The following LGR4 variants were observed in gnomAD, a reference collection of about 807,000 sequenced individuals.
LGR4 encodes leucine rich repeat containing G protein-coupled receptor 4, also known as leucine-rich repeat-containing G protein-coupled receptor 4.
A neutral mutation model predicts 84.8 loss-of-function variants in LGR4; 44 were observed. The observed-to-expected ratio is 0.52, with a 90% CI of 0.41 to 0.67. The LOEUF (loss-of-function observed/expected upper bound fraction) is 0.67, where lower values mean the gene tolerates loss of function less well. Ranked by LOEUF, LGR4 falls within the 30% of genes least tolerant of loss-of-function variation. The pLI is 0.00. For missense variants in LGR4, 1,032 were observed against 1,131.4 expected (o/e 0.91, Z 1.26); for synonymous variants, 429 against 434.3 (o/e 0.99, Z 0.15).
At chr11:27,370,488 C>T (rs984824499) in intron 17 of LGR4, among the ~76,000 whole-genome samples, 1 of 152,198 alleles carries the variant, frequency 6.6e-6, no homozygotes, top group African/African-American at 2.4e-5. Flanking sequence ...TCTTTGGAAG[C>T]CTGCTGCCTC....
At chr11:27,460,730 C>T (rs772232494) in intron 1 of LGR4, among the ~76,000 whole-genome samples, 1 of 152,120 alleles carries the variant, frequency 6.6e-6, no homozygotes, top group Non-Finnish European at 1.5e-5. Flanking sequence ...GCCCCAGACT[C>T]TGTGTGTGAA....
chr11:27,440,263 G>A (rs997331656), intron 1 of LGR4, among the ~76,000 whole-genome samples: 1 of 152,074 alleles, frequency 6.6e-6, no homozygotes, highest in African/African-American at 2.4e-5. Flanking sequence ...GGAGAGGCAC[G>A]GAGCACATGG....
At chr11:27,430,817 T>C (rs1162876210) in intron 1 of LGR4, among the ~76,000 whole-genome samples, 3 of 152,096 alleles carry the variant, frequency 2.0e-5, no homozygotes, top group Admixed American at 6.5e-5. Context: ...AGCAGTCTCT[T>C]TGTTCTATAT....
chr11:27,388,735 C>A (rs145022398), intron 4 of LGR4, among the ~76,000 whole-genome samples: 3 of 152,202 alleles, frequency 2.0e-5, no homozygotes, highest in Admixed American at 6.5e-5. Flanking sequence ...ATCAAAAGAT[C>A]TCCTTTCTCT....
At chr11:27,435,241 GA>G (rs1435478112) in intron 1 of LGR4, among the ~76,000 whole-genome samples, 3 of 151,808 alleles carry the variant, frequency 2.0e-5, no homozygotes, top group African/African-American at 7.3e-5. Flanking sequence ...GCTGAGGAAG[GA>G]GAATAGCTTG....
intron 2 of LGR4, among the ~76,000 whole-genome samples, chr11:27,412,298 T>C (rs1225964937): frequency 6.6e-6 from 1 of 152,172 alleles, no homozygotes; most frequent in Admixed American, 6.6e-5. Context: ...CAGTGTTTCA[T>C]GCCTTCACCC....
chr11:27,368,166 C>T lies in LGR4; in HGVS notation c.2557G>A (p.Gly853Ser), dbSNP rs747257145. Reference sequence around the variant, plus strand: ...CAGCAGTCGCAAACAGTCAGGTTGCCCTGCAAATGTGAGTACATGCCACAG... The same window carrying T: ...CAGCAGTCGCAAACAGTCAGGTTGCTCTGCAAATGTGAGTACATGCCACAG... ...YDCGMYSHLQ[G>S]NLTVCDCCES... The change falls in exon 18 of 18, where the codon GGC (glycine) becomes AGC (serine). Residue 853 changes from glycine to serine, a missense_variant. Physicochemically the swap from Gly to Ser is moderately conservative, Grantham distance 56. Coordinates refer to ENST00000379214, the MANE Select transcript of LGR4 (RefSeq NM_018490.5). The T allele has an allele frequency of 5.6e-6, 9 of 1,614,146 alleles. 1 individual carries two copies. The South Asian group carries it at 9.9e-5, about 18-fold the overall frequency.
chr11:27,373,880 A>C, intron 14 of LGR4, 95 bp downstream of exon 14: 15 of 1,102,038 alleles, frequency 1.4e-5, no homozygotes, highest in Non-Finnish European at 2.1e-5. Context: ...GGAATAACTA[A>C]ACAGAAAAAT....
intron 17 of LGR4, among the ~76,000 whole-genome samples, chr11:27,370,137 C>G (rs1461019192): frequency 1.3e-5 from 2 of 152,146 alleles, no homozygotes; most frequent in African/African-American, 4.8e-5. Flanking sequence ...TTACAACTGT[C>G]TAAAAAACAT....
chr11:27,471,843 G>C (rs1864878662), intron 1 of LGR4: 1 of 289,246 alleles, frequency 3.5e-6, no homozygotes, highest in Non-Finnish European at 6.4e-6. Flanking sequence ...GTGAGTTGGG[G>C]GTGTGCGCGG....
In LGR4 at chr11:27,368,527, C is replaced by T; in HGVS notation, c.2196G>A (p.Leu732=). 6.2e-7 allele frequency: 1 copy of T among 1,614,060 alleles called. No individual in the cohort carries two copies. Among genetic ancestry groups the T allele is most frequent in the South Asian group, 1.1e-5 (1 of 91,076 alleles). Residue 732 remains leucine, a synonymous_variant, in exon 18 of 18, where the codon TTG becomes TTA. Transcript: ENST00000379214. ...AGTTTTCTGAGAGGTCCTCTTTTTC[C>T]AAGTTGCAGTATAGTTTAGTGTAGA... ...AVIYTKLYCN[L]EKEDLSENSQ...
At chr11:27,414,133 G>A (rs1863765800) in intron 1 of LGR4, among the ~76,000 whole-genome samples, 1 of 152,052 alleles carries the variant, frequency 6.6e-6, no homozygotes, top group African/African-American at 2.4e-5. Context: ...GAGGCTTACT[G>A]AGGTTAAAAA....
chr11:27,407,844 G>C (rs1863641066), intron 2 of LGR4, among the ~76,000 whole-genome samples: 1 of 151,830 alleles, frequency 6.6e-6, no homozygotes, highest in Non-Finnish European at 1.5e-5. Flanking sequence ...AATATTTAAA[G>C]ATTTATCTAA....
intron 1 of LGR4, among the ~76,000 whole-genome samples, chr11:27,427,380 G>A (rs563923251): frequency 2.2e-4 from 33 of 152,290 alleles, no homozygotes; most frequent in African/African-American, 7.7e-4. Context: ...CAGCTGGCAT[G>A]AAGGTAGAGT....
chr11:27,369,214 T>G, intron 17 of LGR4, 71 bp from the exon 18 acceptor site: 1 of 1,228,452 alleles, frequency 8.1e-7, no homozygotes, highest in Non-Finnish European at 1.1e-6. Context: ...ATGATATGGC[T>G]TGATAGAAAA....
At chr11:27,444,894 C>T (rs1235856386) in intron 1 of LGR4, among the ~76,000 whole-genome samples, 1 of 152,178 alleles carries the variant, frequency 6.6e-6, no homozygotes, top group East Asian at 1.9e-4. Context: ...TGCCACAATT[C>T]ACCAAAGGGG....
chr11:27,465,110 C>T (rs759304489), intron 1 of LGR4, among the ~76,000 whole-genome samples: 3 of 152,230 alleles, frequency 2.0e-5, no homozygotes, highest in South Asian at 4.1e-4. Flanking sequence ...GGGATCTAAA[C>T]GTATACCCAA....
chr11:27,449,235 T>C (rs1296189479), intron 1 of LGR4, among the ~76,000 whole-genome samples: 4 of 152,070 alleles, frequency 2.6e-5, no homozygotes, highest in African/African-American at 9.7e-5. Context: ...TTTTTTAATA[T>C]TGAATGTATA....
chr11:27,382,391 T>G, intron 6 of LGR4, 135 bp from the exon 7 acceptor site: 1 of 608,008 alleles, frequency 1.6e-6, no homozygotes, highest in Non-Finnish European at 2.9e-6. Flanking sequence ...CATATCGTCA[T>G]TCAAAACCAT....
Sources: allele counts gnomAD v4.1 joint callset (sites outside exome capture counted in the v4.1 genomes callset), GRCh38; gene constraint gnomAD v4.1.1; transcripts MANE v1.5; gene names NCBI Gene and HGNC (gene_info 2026-07-23, HGNC 2026-07-21).